The following AOX1 variants were observed in gnomAD, a reference collection of about 807,000 sequenced individuals.
AOX1 encodes the protein aldehyde oxidase.
AOX1 carries 153 observed loss-of-function variants against 169.5 expected under a neutral mutation model. That is an observed-to-expected ratio of 0.90 (90% CI 0.79 to 1.03). The LOEUF is 1.03. AOX1 is among the 50% of genes least tolerant of loss of function. The probability of loss-of-function intolerance (pLI) is 0.00; values close to 1 mark genes in which losing one functional copy is unlikely to be tolerated. For missense variants in AOX1, 1,656 were observed against 1,663.9 expected, an observed-to-expected ratio of 1.00 and a Z score of 0.08; for synonymous variants, 562 against 581.9, an observed-to-expected ratio of 0.97 and a Z score of 0.49.
rs1195860847 is a variant in AOX1, at chr2:200,641,108, T to C, written c.2579T>C (p.Met860Thr). Residue 860 changes from methionine to threonine, a missense_variant, in exon 24 of 35, where the codon ATG becomes ACG. Met to Thr is a moderately conservative substitution (Grantham distance 81, BLOSUM62 -1). Coordinates refer to ENST00000374700, the MANE Select transcript of AOX1 (RefSeq NM_001159.4). ...PYLGKYKAGF[M>T]NDGRILALDM... ...GGTTCTCTTCCCCAGGCTGGATTCA[T>C]GAACGATGGCAGAATCTTGGCCCTG... 1 of 1,613,350 alleles carries C rather than the reference T, an allele frequency of 6.2e-7. No homozygotes were observed. Among genetic ancestry groups the C allele is most frequent in the South Asian group, 1.1e-5 (1 of 90,988 alleles).
intron 14 of AOX1, among the ~76,000 whole-genome samples, chr2:200,613,324 G>C (rs889822122): frequency 1.1e-4 from 16 of 152,118 alleles, no homozygotes; most frequent in Non-Finnish European, 1.8e-4. Context: ...TTTACCCTCT[G>C]TTAACTCCTC....
intron 20 of AOX1, among the ~76,000 whole-genome samples, chr2:200,630,638 G>T (rs754353308): frequency 1.4e-4 from 21 of 152,094 alleles, no homozygotes; most frequent in South Asian, 2.1e-4. Context: ...GGAAGGGAAA[G>T]ACAAGGGAAG....
chr2:200,636,839 G>C (rs1205164132), intron 21 of AOX1, 72 bp from the exon 22 acceptor site: 10 of 1,526,268 alleles, frequency 6.6e-6, no homozygotes, highest in Non-Finnish European at 8.0e-6. Flanking sequence ...AATCATAGAT[G>C]TGACAATGAC....
intron 32 of AOX1, among the ~76,000 whole-genome samples, chr2:200,667,689 G>C (rs892876335): frequency 2.6e-5 from 4 of 152,030 alleles, no homozygotes; most frequent in African/African-American, 9.7e-5. Context: ...TATGGGGAAG[G>C]CCTGTGTGGG....
chr2:200,638,148 T>G, intron 22 of AOX1, 67 bp from the exon 23 acceptor site: 1 of 1,466,690 alleles, frequency 6.8e-7, no homozygotes. Context: ...TGCCAGGAGT[T>G]ATATAAACCC....
Position 200,603,376 on chromosome 2 carries a change from T to A in AOX1, c.588+20T>A, listed in dbSNP as rs2034453007. On this transcript the variant is annotated intron_variant, in intron 7 of 34. Coordinates refer to ENST00000374700, the MANE Select transcript of AOX1 (RefSeq NM_001159.4). ...AGTAAGGTCAGTGAAATGTAAAGCT[T>A]TTATAAGGCTTTCTCAGGACATGAA... 1.3e-6 allele frequency: 2 copies of A among 1,588,590 alleles called. No individual in the cohort carries two copies. Among genetic ancestry groups the A allele is most frequent in the Non-Finnish European group, 1.7e-6 (2 of 1,157,314 alleles).
chr2:200,637,460 T>C (rs1396560798), intron 22 of AOX1, among the ~76,000 whole-genome samples: 1 of 152,120 alleles, frequency 6.6e-6, no homozygotes, highest in Non-Finnish European at 1.5e-5. Context: ...CACATATATG[T>C]TTATAAACGT....
chr2:200,609,109 G>T lies in AOX1; in HGVS notation c.1033G>T (p.Ala345Ser). 3 of 1,614,046 alleles carry T rather than the reference G, an allele frequency of 1.9e-6. No individual in the cohort carries two copies. Among genetic ancestry groups the T allele is most frequent in the Non-Finnish European group, 2.5e-6 (3 of 1,179,988 alleles). The change falls in exon 11 of 35, where the codon GCT (alanine) becomes TCT (serine). Residue 345 changes from alanine (A) to serine (S), a missense_variant. Coordinates refer to ENST00000374700, the MANE Select transcript of AOX1 (RefSeq NM_001159.4). ...HALLKHLGTLAGSQIRNMASL... is the reference protein window; with the variant it reads ...HALLKHLGTLSGSQIRNMASL... ...TCTCCTGAAGCATTTGGGAACTCTG[G>T]CTGGGTCCCAGATCAGGAACATGGC...
chr2:200,649,367 A>G (rs1559254942), intron 25 of AOX1, among the ~76,000 whole-genome samples: 1 of 152,056 alleles, frequency 6.6e-6, no homozygotes, highest in Non-Finnish European at 1.5e-5. Context: ...CTGCAAACAG[A>G]ATTTCAGCTT....
In AOX1 at chr2:200,623,952, A is replaced by G. The variant is rs758868799; in HGVS notation, c.2093A>G (p.Gln698Arg). ...RAAKRVKIVY[Q>R]DLEPLILTIE... is the part of the protein sequence containing the mutation. The stretch of plus-strand genomic sequence containing the variant: ...GCTAAGCGAGTGAAGATTGTCTATC[A>G]AGACTTGGAGCCGCTGATACTAACA... Residue 698 changes from glutamine to arginine, a missense_variant, in exon 19 of 35, where the codon CAA (glutamine) becomes CGA (arginine). Physicochemically the swap from Gln to Arg is conservative, Grantham distance 43 (BLOSUM62 1). Coordinates refer to ENST00000374700, the MANE Select transcript of AOX1 (RefSeq NM_001159.4). 1.2e-6 allele frequency: 2 copies of G among 1,614,144 alleles called. No individual in the cohort carries two copies. The highest frequency in any genetic ancestry group is 3.3e-5 in the Admixed American group (2 of 60,024).
Position 200,663,577 on chromosome 2 carries a change from C to CTCTCTG in AOX1, c.3543+613_3543+614insGTCTCT, listed in dbSNP as rs56294997. Among the ~76,000 whole-genome samples, 500 of 133,740 alleles carry CTCTCTG rather than the reference C, an allele frequency of 3.7e-3. 5 individuals carry two copies. Among genetic ancestry groups the CTCTCTG allele is most frequent in the African/African-American group, 0.012 (464 of 38,954 alleles). 87.7% of individuals were successfully genotyped at this position (133,740 alleles called of 152,430 possible). On this transcript the variant is annotated intron_variant, in intron 31 of 34. Coordinates refer to ENST00000374700, the MANE Select transcript of AOX1 (RefSeq NM_001159.4). ...ACACACACACACACACACACACTCT[C>CTCTCTG]TCTCTCTCTCTCTCTCTCTCCCCCT... is the stretch of plus-strand genomic sequence containing the variant.
At chr2:200,652,868 C>A (rs977595481) in intron 26 of AOX1, among the ~76,000 whole-genome samples, 1 of 152,136 alleles carries the variant, frequency 6.6e-6, no homozygotes, top group Non-Finnish European at 1.5e-5. Flanking sequence ...AGTTTGAAAC[C>A]AGCCTGAGCA....
At chr2:200,624,336 T>G (rs577067190) in intron 19 of AOX1, among the ~76,000 whole-genome samples, 29 of 152,308 alleles carry the variant, frequency 1.9e-4, no homozygotes, top group African/African-American at 7.0e-4. Context: ...AGGTCACATA[T>G]CCATCTCCAA....
rs566927447 is a variant in AOX1 at position 200,586,220 on chromosome 2, G to A, written c.45+67G>A. 1.0e-4 allele frequency: 146 copies of A among 1,464,026 alleles called. 2 individuals are homozygous for A. The South Asian group carries it at 1.8e-3, about 18-fold the overall frequency. The allele number at this position is 1,464,026 out of a possible 1,614,324, so 90.7% of individuals were successfully genotyped here. On this transcript the variant is annotated intron_variant, in intron 1 of 34. Transcript: ENST00000374700. ...AGGGCCGGGGCAGAGAGGAGCCCCT[G>A]CCGTTCGTCCCATCCTTTCGTGCCC... is the stretch of plus-strand genomic sequence containing the variant.
At chr2:200,634,975 T>A (rs2035201923) in intron 21 of AOX1, 60 bp downstream of exon 21, 4 of 1,589,080 alleles carry the variant, frequency 2.5e-6, no homozygotes, top group African/African-American at 2.7e-5. Context: ...GTGAAATATA[T>A]CAAGAGCAAT....
At chr2:200,621,369 T>C (rs1173596870) in intron 18 of AOX1, 123 bp downstream of exon 18, 30 of 916,780 alleles carry the variant, frequency 3.3e-5, no homozygotes, top group African/African-American at 5.1e-5. Context: ...AGAATGCTTA[T>C]TATAAAAGTA....
intron 29 of AOX1, among the ~76,000 whole-genome samples, chr2:200,660,475 C>T (rs962562316): frequency 6.6e-6 from 1 of 152,088 alleles, no homozygotes; most frequent in African/African-American, 2.4e-5. Flanking sequence ...CATATAAGCA[C>T]TCGTTTAGAA....
chr2:200,637,005 C>A lies in AOX1; in HGVS notation c.2441C>A (p.Thr814Asn), dbSNP rs752878118. Reference protein sequence around the residue: ...GGAFGGKVLKTGIIAAVTAFA... With the variant: ...GGAFGGKVLKNGIIAAVTAFA... ...GCGTTTGGAGGGAAGGTGTTAAAAA[C>A]CGGAATCATTGCAGCCGTCACTGCA... The change falls in exon 22 of 35, where the codon ACC (threonine) becomes AAC (asparagine). Residue 814 changes from threonine to asparagine, a missense_variant. Thr to Asn is a moderately conservative substitution (Grantham distance 65). Transcript: ENST00000374700. 1.9e-6 allele frequency: 3 copies of A among 1,614,088 alleles called. No individual in the cohort carries two copies. The highest frequency in any genetic ancestry group is 2.5e-6 in the Non-Finnish European group (3 of 1,179,980).
chr2:200,592,338 T>C (rs938374551), intron 1 of AOX1, among the ~76,000 whole-genome samples: 1 of 152,164 alleles, frequency 6.6e-6, no homozygotes, highest in African/African-American at 2.4e-5. Flanking sequence ...ACCTACTACT[T>C]CCCAGGAGGG....
Sources: allele counts gnomAD v4.1 joint callset (sites outside exome capture counted in the v4.1 genomes callset), GRCh38; gene constraint gnomAD v4.1.1; transcripts MANE v1.5; gene names NCBI Gene and HGNC (gene_info 2026-07-23, HGNC 2026-07-21).